RHOBTB3: variants seen among roughly 807,000 people sequenced by gnomAD.
The protein encoded by RHOBTB3 is Rho related BTB domain containing 3.
RHOBTB3 carries 47 observed loss-of-function variants against 67.2 expected under a neutral mutation model. The ratio of observed to expected loss-of-function variants is 0.70; its 90% CI spans 0.55 to 0.89. The LOEUF is 0.89. RHOBTB3 is among the 40% of genes least tolerant of loss of function. The pLI is 0.00. For missense variants in RHOBTB3, 631 were observed against 750.0 expected (o/e 0.84, Z 1.85); for synonymous variants, 273 against 274.2 (o/e 1.00, Z 0.04).
intron 2 of RHOBTB3, 76 bp downstream of exon 2, chr5:95,732,160 C>A: frequency 1.5e-6 from 2 of 1,353,498 alleles, no homozygotes; most frequent in Non-Finnish European, 2.1e-6. Context: ...CCCCTTCTGC[C>A]CACTTCCGTG....
At chr5:95,745,673 G>T (rs1744875288) in intron 3 of RHOBTB3, among the ~76,000 whole-genome samples, 2 of 151,968 alleles carry the variant, frequency 1.3e-5, no homozygotes, top group South Asian at 4.2e-4. Flanking sequence ...AGCATTTTAT[G>T]ATAACATCTT....
At chr5:95,730,991 C>G (rs1755209948), upstream of RHOBTB3, 1 of 610,304 alleles carries the variant, frequency 1.6e-6, no homozygotes, top group South Asian at 1.5e-5. Flanking sequence ...CCTCCTTTTT[C>G]CAGTCCGGAG....
At chr5:95,749,490 G>A (rs919986053) in intron 4 of RHOBTB3, among the ~76,000 whole-genome samples, 1 of 152,208 alleles carries the variant, frequency 6.6e-6, no homozygotes, top group Non-Finnish European at 1.5e-5. Context: ...ATATTACAAT[G>A]TTAAAGAAGA....
intron 3 of RHOBTB3, among the ~76,000 whole-genome samples, chr5:95,738,957 A>G (rs1265611650): frequency 6.6e-6 from 1 of 151,738 alleles, no homozygotes; most frequent in Non-Finnish European, 1.5e-5. Context: ...CCCTCCTCCC[A>G]CACACACACA....
intron 3 of RHOBTB3, among the ~76,000 whole-genome samples, chr5:95,742,976 CAGG>C (rs1755640891): frequency 6.6e-6 from 1 of 152,146 alleles, no homozygotes; most frequent in Non-Finnish European, 1.5e-5. Context: ...GAGGCTGAGG[CAGG>C]AGAATGGCGT....
At chr5:95,762,384 G>C (rs1043980243) in intron 6 of RHOBTB3, among the ~76,000 whole-genome samples, 1 of 152,208 alleles carries the variant, frequency 6.6e-6, no homozygotes, top group Admixed American at 6.5e-5. Flanking sequence ...GATCTCATTG[G>C]TTTAATAAGT....
At chr5:95,740,076 G>A (rs1181537368) in intron 3 of RHOBTB3, among the ~76,000 whole-genome samples, 3 of 152,318 alleles carry the variant, frequency 2.0e-5, no homozygotes, top group Non-Finnish European at 2.9e-5. Flanking sequence ...TAGTGAGTAA[G>A]TCTCATGAGA....
intron 9 of RHOBTB3, chr5:95,782,009 TCTCA>T (rs1482504107): frequency 2.0e-5 from 3 of 152,240 alleles, no homozygotes; most frequent in Non-Finnish European, 4.4e-5. Flanking sequence ...TCAGTCATCC[TCTCA>T]CTCAAGTAAT....
chr5:95,793,023 C>A, intron 11 of RHOBTB3, 36 bp from the exon 12 acceptor site: 1 of 1,390,174 alleles, frequency 7.2e-7, no homozygotes, highest in Non-Finnish European at 1.0e-6. Context: ...CATAATAAAA[C>A]ATATTCGGTT....
At chr5:95,739,397 G>A (rs1436044489) in intron 3 of RHOBTB3, among the ~76,000 whole-genome samples, 6 of 151,904 alleles carry the variant, frequency 3.9e-5, no homozygotes, top group Admixed American at 3.9e-4. Flanking sequence ...ATTTTGTAGG[G>A]CCTCAAACTT....
chr5:95,754,674 T>C (rs1393540152), intron 5 of RHOBTB3, among the ~76,000 whole-genome samples: 2 of 152,212 alleles, frequency 1.3e-5, no homozygotes, highest in Non-Finnish European at 2.9e-5. Context: ...GATTGAGGGC[T>C]CATCTCTCTT....
chr5:95,791,419 G>T, intron 11 of RHOBTB3, among the ~76,000 whole-genome samples: 1 of 152,154 alleles, frequency 6.6e-6, no homozygotes, highest in Non-Finnish European at 1.5e-5. Flanking sequence ...GTGTTATGGG[G>T]TTTTGTTTGT....
intron 3 of RHOBTB3, among the ~76,000 whole-genome samples, chr5:95,744,534 A>G (rs1330545162): frequency 2.0e-5 from 3 of 152,156 alleles, no homozygotes; most frequent in African/African-American, 7.2e-5. Context: ...CAATGAGTGA[A>G]TGGTTTTATG....
rs763796871 is a variant in RHOBTB3, at chr5:95,780,295, T to A, written c.1326T>A (p.Cys442Ter). 1.2e-6 allele frequency: 2 copies of A among 1,613,980 alleles called. No individual in the cohort carries two copies. The highest frequency in any genetic ancestry group is 1.7e-6 in the Non-Finnish European group (2 of 1,179,852). The part of the protein sequence containing the change: ...PAHRAILVAR[C>*]EVMAAMFNGN... ...ACAGGGCCATCCTGGTGGCCCGTTG[T>A]GAAGTGATGGCAGCCATGTTTAATG... Residue 442 changes from cysteine to a stop codon, truncating the protein, a stop_gained, in exon 9 of 12, where the codon TGT becomes TGA. Coordinates refer to ENST00000379982, the MANE Select transcript of RHOBTB3 (RefSeq NM_014899.4). LOFTEE classifies it high-confidence loss of function.
At position 95,795,295 on chromosome 5, in the gene RHOBTB3, T is replaced by TA. The variant is rs1247848991; in HGVS notation, c.*2127dup. 1 of 152,154 alleles carries TA rather than the reference T, an allele frequency of 6.6e-6. No individual in the cohort carries two copies. Among genetic ancestry groups the TA allele is most frequent in the African/African-American group, 2.4e-5 (1 of 41,436 alleles). 9.4% of individuals were successfully genotyped at this position (152,154 alleles called of 1,614,324 possible). A position where few individuals can be genotyped will look rare whatever the true frequency, so the allele number is the denominator to read the frequency against. Reference sequence around the variant, plus strand: ...TCCCATTTGACAAAGATTAGCATTGTAAAAAACAGATACTGTGGTAGATTT... The same window carrying TA: ...TCCCATTTGACAAAGATTAGCATTGTAAAAAAACAGATACTGTGGTAGATTT... On this transcript the variant is annotated 3_prime_UTR_variant, in exon 12 of 12. Transcript: ENST00000379982.
intron 7 of RHOBTB3, among the ~76,000 whole-genome samples, chr5:95,765,350 A>T (rs181959260): frequency 6.6e-6 from 1 of 152,320 alleles, no homozygotes; most frequent in East Asian, 1.9e-4. Flanking sequence ...AATAAAATGA[A>T]TTCTTATTGG....
chr5:95,747,297 A>G (rs150128727), intron 3 of RHOBTB3, among the ~76,000 whole-genome samples: 1 of 152,280 alleles, frequency 6.6e-6, no homozygotes, highest in East Asian at 1.9e-4. Flanking sequence ...TTCCAACAGT[A>G]CTGCAATTCC....
At chr5:95,730,778 G>A (rs1412641903), upstream of RHOBTB3, 3 of 418,448 alleles carry the variant, frequency 7.2e-6, no homozygotes, top group Non-Finnish European at 1.4e-5. Flanking sequence ...AAATTAATTG[G>A]TGTGTGAACA....
chr5:95,731,603 A>G lies in RHOBTB3; in HGVS notation c.-80A>G, dbSNP rs1755253139. On this transcript the variant is annotated 5_prime_UTR_variant, in exon 1 of 12. Transcript: ENST00000379982. Reference sequence around the variant, plus strand: ...GCCGGGGATGAGCGGATTGCGGGTGAACTCGCCGCCCGGGGGCCCCGCGAA... The same window carrying G: ...GCCGGGGATGAGCGGATTGCGGGTGGACTCGCCGCCCGGGGGCCCCGCGAA... The G allele has an allele frequency of 6.3e-7, 1 of 1,593,122 alleles. No homozygotes were observed. The highest frequency in any genetic ancestry group is 1.3e-5 in the African/African-American group (1 of 74,344).
Sources: allele counts gnomAD v4.1 joint callset (sites outside exome capture counted in the v4.1 genomes callset), GRCh38; gene constraint gnomAD v4.1.1; transcripts MANE v1.5; gene names NCBI Gene and HGNC (gene_info 2026-07-23, HGNC 2026-07-21).